Variants in JMY observed in about 807,000 individuals in gnomAD.
The protein encoded by JMY is junction-mediating and -regulatory protein.
A neutral mutation model predicts 103.3 loss-of-function variants in JMY; 46 were observed. The observed-to-expected ratio is 0.45, with a 90% confidence interval of 0.35 to 0.57. JMY has a LOEUF of 0.57. Among genes scored for constraint, JMY ranks in the 20% least tolerant of loss-of-function variants. JMY has a pLI of 0.00. For synonymous variants in JMY, 526 were observed against 489.3 expected, an observed-to-expected ratio of 1.07 and a Z score of -0.99; for missense variants, 1,238 against 1,255.2, an observed-to-expected ratio of 0.99 and a Z score of 0.21.
chr5:79,321,399 AAAT>A (rs1325214239), intron 10 of JMY, among the ~76,000 whole-genome samples: 2 of 152,218 alleles, frequency 1.3e-5, no homozygotes, highest in Non-Finnish European at 2.9e-5. Flanking sequence ...GTTAGAGTAA[AAAT>A]AATAAAAATG....
intron 2 of JMY, among the ~76,000 whole-genome samples, chr5:79,285,620 C>G (rs1044889311): frequency 6.6e-6 from 1 of 151,084 alleles, no homozygotes; most frequent in African/African-American, 2.4e-5. Flanking sequence ...AAGAATCTCT[C>G]AACAATATTT....
chr5:79,278,127 G>T, intron 2 of JMY, 44 bp downstream of exon 2: 2 of 1,438,370 alleles, frequency 1.4e-6, no homozygotes. Context: ...CTGTTTCATA[G>T]TTCTCAGCCT....
At chr5:79,286,687 T>C (rs1746281381) in intron 2 of JMY, among the ~76,000 whole-genome samples, 1 of 151,914 alleles carries the variant, frequency 6.6e-6, no homozygotes, top group African/African-American at 2.4e-5. Flanking sequence ...TTTCTTTCGA[T>C]AAATGGTACA....
chr5:79,270,743 T>C (rs1745759664), intron 1 of JMY, among the ~76,000 whole-genome samples: 1 of 148,328 alleles, frequency 6.7e-6, no homozygotes, highest in Admixed American at 6.8e-5. Flanking sequence ...CCATAAATAC[T>C]TTCTCACCAT....
At chr5:79,266,151 T>C (rs538071298) in intron 1 of JMY, among the ~76,000 whole-genome samples, 148 of 152,340 alleles carry the variant, frequency 9.7e-4, no homozygotes, top group Non-Finnish European at 1.8e-3. Context: ...TGTAGTCTTA[T>C]TTGCAAGGTA....
chr5:79,243,825 G>T (rs1046820339), intron 1 of JMY, among the ~76,000 whole-genome samples: 3 of 152,100 alleles, frequency 2.0e-5, no homozygotes, highest in African/African-American at 7.2e-5. Context: ...TGAAAAAGAT[G>T]TAAGTATAGA....
At chr5:79,285,666 C>G (rs1241096687) in intron 2 of JMY, among the ~76,000 whole-genome samples, 6 of 151,794 alleles carry the variant, frequency 4.0e-5, no homozygotes, top group Non-Finnish European at 8.8e-5. Flanking sequence ...AGATACTAAG[C>G]TAATCATGTT....
In JMY at chr5:79,237,346, G is replaced by C. The variant is rs946168995; in HGVS notation, c.696G>C (p.Leu232=). The change falls in exon 1 of 11, where the codon CTG becomes CTC. Residue 232 remains leucine (L), a synonymous_variant. Coordinates refer to ENST00000396137, the MANE Select transcript of JMY (RefSeq NM_152405.5). ...SPAEECSWAG[L]FSFQDLRAVH... is the part of the protein sequence containing the mutation. ...CCGAAGAGTGCAGCTGGGCCGGACT[G>C]TTTTCTTTCCAGGACCTGCGCGCCG... The C allele has an allele frequency of 1.2e-6, 2 of 1,608,532 alleles. No individual in the cohort carries two copies. The highest frequency in any genetic ancestry group is 1.7e-6 in the Non-Finnish European group (2 of 1,177,962).
Position 79,290,259 on chromosome 5 carries a change from A to G in JMY, c.1345A>G (p.Lys449Glu). ...TGTCAAGTACTTTGAAATAACAGCTAAAGCTCAAAAAGGTAGGTTTCTCAG... is the reference window on the plus strand; with the variant it reads ...TGTCAAGTACTTTGAAATAACAGCTGAAGCTCAAAAAGGTAGGTTTCTCAG... ...LTVKYFEITA[K>E]AQKAVYDRMR... Residue 449 changes from lysine to glutamate, a missense_variant, in exon 3 of 11, where the codon AAA becomes GAA. Lys to Glu is a moderately conservative substitution (Grantham distance 56). Coordinates refer to ENST00000396137, the MANE Select transcript of JMY (RefSeq NM_152405.5). The G allele has an allele frequency of 2.0e-6, 3 of 1,484,106 alleles. No homozygotes were observed. Among genetic ancestry groups the G allele is most frequent in the Admixed American group, 2.2e-5 (1 of 46,438 alleles). 91.9% of individuals were successfully genotyped at this position (1,484,106 alleles called of 1,614,324 possible). A position where few individuals can be genotyped will look rare whatever the true frequency, so the allele number is the denominator to read the frequency against.
chr5:79,244,678 C>G (rs1232814503), intron 1 of JMY, among the ~76,000 whole-genome samples: 4 of 146,804 alleles, frequency 2.7e-5, no homozygotes, highest in Middle Eastern at 3.5e-3. Context: ...TTTTTGGTAA[C>G]GAGAAGTTTC....
intron 1 of JMY, among the ~76,000 whole-genome samples, chr5:79,258,321 T>A (rs925453337): frequency 6.7e-6 from 1 of 149,642 alleles, no homozygotes; most frequent in Non-Finnish European, 1.5e-5. Flanking sequence ...GTTGTTTTTT[T>A]TTTTTTTTTG....
chr5:79,294,369 A>G (rs1304832744), intron 4 of JMY, among the ~76,000 whole-genome samples: 5 of 152,178 alleles, frequency 3.3e-5, no homozygotes, highest in African/African-American at 9.7e-5. Context: ...GTGCCACTGC[A>G]CTCCAACAGC....
At chr5:79,250,813 A>G (rs1294973524) in intron 1 of JMY, among the ~76,000 whole-genome samples, 2 of 151,810 alleles carry the variant, frequency 1.3e-5, no homozygotes, top group African/African-American at 4.8e-5. Flanking sequence ...TACTTACTCT[A>G]GCAAGATGTT....
Position 79,283,475 on chromosome 5 carries a change from C to T in JMY, c.1206+5392C>T, listed in dbSNP as rs531420743. On this transcript the variant is annotated intron_variant, in intron 2 of 10. Coordinates refer to ENST00000396137, the MANE Select transcript of JMY (RefSeq NM_152405.5). ...TATAATGTATTTATATTTGTTTTTA[C>T]ATTTAATATTTATGATATTAACATA... Among the ~76,000 whole-genome samples, 123 of 152,234 alleles carry T rather than the reference C, an allele frequency of 8.1e-4. 1 individual carries two copies. Among genetic ancestry groups the T allele is most frequent in the African/African-American group, 2.9e-3 (121 of 41,534 alleles).
rs970343525 is a variant in JMY at position 79,316,877 on chromosome 5, C to T, written c.*3+567C>T. Among the ~76,000 whole-genome samples the T allele has an allele frequency of 8.4e-5, 10 of 119,722 alleles. No individual in the cohort carries two copies. In the East Asian group the frequency reaches 2.3e-3, roughly 28 times the overall value. The allele number at this position is 119,722 out of a possible 152,430, so 78.5% of individuals were successfully genotyped here. ...GCTGAGATCGTGCCACTGCCCTGGGCAACAGAGTGAGACTCAGTCTTAAAA... is the reference window on the plus strand; with the variant it reads ...GCTGAGATCGTGCCACTGCCCTGGGTAACAGAGTGAGACTCAGTCTTAAAA... On this transcript the variant is annotated intron_variant, in intron 10 of 10. Transcript: ENST00000396137.
intron 1 of JMY, among the ~76,000 whole-genome samples, chr5:79,240,433 C>G (rs1487407659): frequency 1.3e-5 from 2 of 152,030 alleles, no homozygotes; most frequent in Non-Finnish European, 2.9e-5. Context: ...TGCTCAGCCT[C>G]CCAAGTAGCT....
Position 79,291,280 on chromosome 5 carries a change from A to G in JMY, c.1508A>G (p.Lys503Arg). ...RAKEICLEQRKHALKEEMQSL... is the reference protein window; with the variant it reads ...RAKEICLEQRRHALKEEMQSL... The stretch of plus-strand genomic sequence containing the variant: ...AAAGAGATATGCTTGGAACAGCGGA[A>G]ACATGCACTAAAGGAAGAGGTAACA... Residue 503 changes from lysine to arginine, a missense_variant, in exon 4 of 11, where the codon AAA (lysine) becomes AGA (arginine). Transcript: ENST00000396137. The G allele has an allele frequency of 6.3e-7, 1 of 1,576,454 alleles. No homozygotes were observed. The highest frequency in any genetic ancestry group is 1.2e-5 in the South Asian group (1 of 83,254).
rs764313905 is a variant in JMY, at chr5:79,314,629, C to G, written c.2437C>G (p.Pro813Ala). ...ATCCCCTCTTCCTCCAACACCACCA[C>G]CTCCCCCACCTCCTCCCCCTCCCCC... Reference protein sequence around the residue: ...LPSPLPPTPPPPPPPPPPPPP... With the variant: ...LPSPLPPTPPAPPPPPPPPPP... Residue 813 changes from proline to alanine, a missense_variant, in exon 9 of 11, where the codon CCT becomes GCT. Transcript: ENST00000396137. 1.3e-6 allele frequency: 2 copies of G among 1,519,844 alleles called. No individual in the cohort carries two copies. The highest frequency in any genetic ancestry group is 2.3e-5 in the South Asian group (2 of 87,824). The allele number at this position is 1,519,844 out of a possible 1,614,324, so 94.1% of individuals were successfully genotyped here.
At chr5:79,289,788 A>G (rs1003593010) in intron 2 of JMY, among the ~76,000 whole-genome samples, 6 of 152,116 alleles carry the variant, frequency 3.9e-5, no homozygotes, top group African/African-American at 1.4e-4. Context: ...GGGGGGGCAT[A>G]AATAAGTCTT....
Sources: gnomAD v4.1 joint callset for allele counts (sites outside exome capture counted in the v4.1 genomes callset) on GRCh38, gnomAD v4.1.1 for gene constraint, MANE v1.5 for transcripts, NCBI Gene and HGNC (gene_info 2026-07-23, HGNC 2026-07-21) for gene names.